The following VSTM4 variants were observed in gnomAD, a reference collection of about 807,000 sequenced individuals.
VSTM4 encodes the protein V-set and transmembrane domain containing 4.
A neutral mutation model predicts 36.4 loss-of-function variants in VSTM4; 20 were observed. The ratio of observed to expected loss-of-function variants is 0.55; its 90% CI spans 0.39 to 0.80. The LOEUF is 0.80. Among genes scored for constraint, VSTM4 ranks in the 30% least tolerant of loss-of-function variants. The pLI is 0.00. For missense variants in VSTM4, 392 were observed against 404.5 expected, an observed-to-expected ratio of 0.97 and a Z score of 0.26; for synonymous variants, 182 against 173.9, an observed-to-expected ratio of 1.05 and a Z score of -0.37.
intron 5 of VSTM4, 58 bp from the exon 6 acceptor site, chr10:49,048,642 G>GA (rs367646384): frequency 0.047 from 49,886 of 1,061,402 alleles, 55 homozygotes; most frequent in Middle Eastern, 0.075. Context: ...AAAGAGAAAG[G>GA]AAAAAAAAAA....
chr10:49,106,669 C>A (rs763541586), intron 2 of VSTM4, among the ~76,000 whole-genome samples: 3 of 152,228 alleles, frequency 2.0e-5, no homozygotes, highest in Admixed American at 6.5e-5. Flanking sequence ...AACCTCCCAA[C>A]GCGTGCCTCC....
chr10:49,099,633 C>T (rs1844631771), intron 2 of VSTM4, among the ~76,000 whole-genome samples: 1 of 152,192 alleles, frequency 6.6e-6, no homozygotes, highest in South Asian at 2.1e-4. Flanking sequence ...TCTCTCTAAG[C>T]AGGATTTCTC....
intron 7 of VSTM4, among the ~76,000 whole-genome samples, chr10:49,045,283 A>C (rs1164855073): frequency 6.6e-6 from 1 of 152,192 alleles, no homozygotes; most frequent in Non-Finnish European, 1.5e-5. Context: ...ATAATTATGT[A>C]GTTAAAAACT....
chr10:49,031,631 T>C (rs898067323), intron 7 of VSTM4, among the ~76,000 whole-genome samples: 1 of 152,220 alleles, frequency 6.6e-6, no homozygotes, highest in Non-Finnish European at 1.5e-5. Context: ...CTATTTTATT[T>C]TATTTTTTGG....
At chr10:49,109,463 C>T (rs1844853298) in intron 1 of VSTM4, among the ~76,000 whole-genome samples, 2 of 119,668 alleles carry the variant, frequency 1.7e-5, no homozygotes, top group South Asian at 4.9e-4. Flanking sequence ...TAACTGAACA[C>T]CTCAAGACAG....
intron 3 of VSTM4, among the ~76,000 whole-genome samples, chr10:49,083,712 A>G (rs1181304661): frequency 1.3e-5 from 2 of 152,242 alleles, no homozygotes; most frequent in Non-Finnish European, 2.9e-5. Context: ...CACATGAATT[A>G]TGAGATACTG....
rs1843141447 is a variant in VSTM4 at position 49,019,023 on chromosome 10, C to T, written c.*627G>A. On this transcript the variant is annotated 3_prime_UTR_variant, in exon 8 of 8. Transcript: ENST00000332853. ...TTCTTGTCCTGCGGCCTCAGGGTCT[C>T]ATAGGTGGGCACCATGGCATTCAGA... 6.6e-6 allele frequency: 1 copy of T among 152,358 alleles called. No homozygotes were observed. The highest frequency in any genetic ancestry group is 1.5e-5 in the Non-Finnish European group (1 of 68,148). The allele number at this position is 152,358 out of a possible 1,614,324, so 9.4% of individuals were successfully genotyped here.
intron 5 of VSTM4, among the ~76,000 whole-genome samples, chr10:49,062,278 T>G (rs950030624): frequency 6.6e-6 from 1 of 152,060 alleles, no homozygotes; most frequent in Non-Finnish European, 1.5e-5. Flanking sequence ...TTCTGCTCTT[T>G]CCATTATTCC....
chr10:49,112,435 C>T (rs1175731254), intron 1 of VSTM4, among the ~76,000 whole-genome samples: 1 of 152,244 alleles, frequency 6.6e-6, no homozygotes, highest in Non-Finnish European at 1.5e-5. Flanking sequence ...GGCCGGAAAC[C>T]TGATTCTGTT....
At chr10:49,079,808 G>GA (rs34501606) in intron 3 of VSTM4, among the ~76,000 whole-genome samples, 107 of 151,764 alleles carry the variant, frequency 7.1e-4, no homozygotes, top group African/African-American at 2.6e-3. Flanking sequence ...AAAATGTATA[G>GA]AAAAAAAAGC....
chr10:49,079,728 G>A (rs534029114), intron 3 of VSTM4, among the ~76,000 whole-genome samples: 1 of 152,256 alleles, frequency 6.6e-6, no homozygotes, highest in South Asian at 2.1e-4. Flanking sequence ...CCAGCCTGGG[G>A]AGGCTGAGAG....
chr10:49,075,490 C>T (rs539632513), intron 4 of VSTM4, among the ~76,000 whole-genome samples: 32 of 152,410 alleles, frequency 2.1e-4, no homozygotes, highest in African/African-American at 7.5e-4. Flanking sequence ...CTCACACTGT[C>T]CTCTTGAAGG....
chr10:49,083,002 G>C (rs1034857616), intron 3 of VSTM4, among the ~76,000 whole-genome samples: 1 of 152,168 alleles, frequency 6.6e-6, no homozygotes, highest in African/African-American at 2.4e-5. Context: ...GGCACCTGTT[G>C]CCCAGCAACC....
chr10:49,064,809 G>T (rs1205692893), intron 4 of VSTM4, 73 bp from the exon 5 acceptor site: 1 of 1,508,906 alleles, frequency 6.6e-7, no homozygotes, highest in African/African-American at 1.4e-5. Context: ...GAATTACAAG[G>T]AAATGCCGGG....
intron 5 of VSTM4, among the ~76,000 whole-genome samples, chr10:49,051,390 C>CTTTTTTTTT (rs796786621): frequency 2.3e-5 from 3 of 130,804 alleles, no homozygotes; most frequent in Non-Finnish European, 3.2e-5. Context: ...CAGCTCATTT[C>CTTTTTTTTT]TTTTTTTTTT....
chr10:49,025,112 G>T (rs149012913), intron 7 of VSTM4, among the ~76,000 whole-genome samples: 196 of 152,142 alleles, frequency 1.3e-3, no homozygotes, highest in African/African-American at 3.9e-3. Context: ...GAGAGGCCTT[G>T]GGAGAAACCA....
intron 4 of VSTM4, among the ~76,000 whole-genome samples, chr10:49,065,767 A>G (rs1421864358): frequency 6.6e-6 from 1 of 152,206 alleles, no homozygotes; most frequent in East Asian, 1.9e-4. Flanking sequence ...TGGAATTGAG[A>G]GCAGATAATA....
At chr10:49,034,484 C>T (rs1384072384) in intron 7 of VSTM4, among the ~76,000 whole-genome samples, 2 of 152,090 alleles carry the variant, frequency 1.3e-5, no homozygotes, top group African/African-American at 2.4e-5. Context: ...ATTTATGAGG[C>T]TATGTCTTAT....
chr10:49,071,804 G>A (rs1320090691), intron 4 of VSTM4, among the ~76,000 whole-genome samples: 1 of 152,182 alleles, frequency 6.6e-6, no homozygotes, highest in African/African-American at 2.4e-5. Flanking sequence ...ATACCTTGAT[G>A]CCCTCAGCTC....
Sources: gnomAD v4.1 joint callset for allele counts (sites outside exome capture counted in the v4.1 genomes callset) on GRCh38, gnomAD v4.1.1 for gene constraint, MANE v1.5 for transcripts, NCBI Gene and HGNC (gene_info 2026-07-23, HGNC 2026-07-21) for gene names.